The following NIPBL variants were observed in gnomAD, a reference collection of about 807,000 sequenced individuals.
NIPBL encodes the protein nipped-B-like protein.
In NIPBL, 19 loss-of-function variants were observed where a neutral mutation model predicts 321.8. The ratio of observed to expected loss-of-function variants is 0.06; its 90% CI spans 0.04 to 0.09. The LOEUF (loss-of-function observed/expected upper bound fraction) is 0.09. NIPBL is among the 10% of genes least tolerant of loss of function. The pLI is 1.00. For missense variants in NIPBL, 2,210 were observed against 3,327.0 expected (o/e 0.66, Z 8.26); for synonymous variants, 1,106 against 1,114.1 (o/e 0.99, Z 0.14).
At chr5:37,052,048 TAGTCTAA>T (rs1448758047) in intron 41 of NIPBL, among the ~76,000 whole-genome samples, 162 bp downstream of exon 41, 2 of 152,192 alleles carry the variant, frequency 1.3e-5, no homozygotes. Context: ...GTGTTTATTC[TAGTCTAA>T]AGTTAAGGTT....
At chr5:37,034,284 GTA>G (rs1751447778) in intron 32 of NIPBL, among the ~76,000 whole-genome samples, 2 of 152,092 alleles carry the variant, frequency 1.3e-5, no homozygotes, top group African/African-American at 4.8e-5. Context: ...AATTGAGAAA[GTA>G]TTACAGCCAC....
At chr5:37,028,647 CT>C (rs961996618) in intron 32 of NIPBL, among the ~76,000 whole-genome samples, 1 of 152,120 alleles carries the variant, frequency 6.6e-6, no homozygotes, top group African/African-American at 2.4e-5. Context: ...GCCTGTAATA[CT>C]TTTAAAACAA....
At chr5:36,942,294 G>A (rs1739170852) in intron 1 of NIPBL, among the ~76,000 whole-genome samples, 1 of 151,298 alleles carries the variant, frequency 6.6e-6, no homozygotes, top group African/African-American at 2.4e-5. Flanking sequence ...TAGCCAGGTG[G>A]GGTGGTGAAT....
intron 6 of NIPBL, among the ~76,000 whole-genome samples, chr5:36,966,471 A>G (rs957765744): frequency 2.6e-5 from 4 of 152,108 alleles, no homozygotes; most frequent in African/African-American, 9.7e-5. Flanking sequence ...TCTTATCATT[A>G]TCATAAAATG....
chr5:37,055,677 G>A (rs1017440360), intron 42 of NIPBL, among the ~76,000 whole-genome samples: 4 of 151,964 alleles, frequency 2.6e-5, no homozygotes, highest in Non-Finnish European at 5.9e-5. Flanking sequence ...GGTGAACTTC[G>A]TGGACAAAAA....
chr5:37,005,273 C>T (rs1747296031), intron 16 of NIPBL, among the ~76,000 whole-genome samples: 1 of 152,058 alleles, frequency 6.6e-6, no homozygotes, highest in East Asian at 1.9e-4. Flanking sequence ...CCTCTCTTTA[C>T]TTTTTGCATC....
chr5:36,958,949 G>A (rs1741290917), intron 4 of NIPBL, among the ~76,000 whole-genome samples: 1 of 152,154 alleles, frequency 6.6e-6, no homozygotes, highest in Admixed American at 6.5e-5. Flanking sequence ...ACTCACGCCT[G>A]TAATCCCAGC....
chr5:36,998,800 T>C (rs1580432609), intron 11 of NIPBL, among the ~76,000 whole-genome samples: 1 of 152,198 alleles, frequency 6.6e-6, no homozygotes, highest in African/African-American at 2.4e-5. Flanking sequence ...ACCCTACTTA[T>C]ATTAGTGTAT....
In NIPBL at chr5:36,968,109, AAAC is replaced by A. The variant is rs1446069028; in HGVS notation, c.611-2764_611-2762del. 1.9e-3 allele frequency among the ~76,000 whole-genome samples: 283 copies of A among 149,042 alleles called. 7 individuals carry two copies. The highest frequency in any genetic ancestry group is 6.5e-3 in the African/African-American group (259 of 39,968). ...AGACTCTGTCTCAAAAAAAAAAAAA[AAAC>A]AAAAAACAAAAAACGAATAAGCAGT... On this transcript the variant is annotated intron_variant, in intron 6 of 46. Transcript: ENST00000282516.
intron 30 of NIPBL, 61 bp from the exon 31 acceptor site, chr5:37,026,167 TG>T: frequency 1.1e-6 from 1 of 939,014 alleles, no homozygotes; most frequent in Non-Finnish European, 1.7e-6. Context: ...AATGAGAATT[TG>T]GAATTGTGAA....
chr5:36,934,708 T>C (rs1471948927), intron 1 of NIPBL, among the ~76,000 whole-genome samples: 1 of 152,110 alleles, frequency 6.6e-6, no homozygotes, highest in Non-Finnish European at 1.5e-5. Context: ...GAATTTGTAG[T>C]GCCAAAAAAG....
intron 1 of NIPBL, among the ~76,000 whole-genome samples, chr5:36,946,032 A>T (rs947065933): frequency 1.3e-5 from 2 of 152,096 alleles, no homozygotes; most frequent in African/African-American, 4.8e-5. Flanking sequence ...TAGGTGTTTT[A>T]TAATGTTAAA....
At chr5:36,986,450 A>C in intron 10 of NIPBL, 149 bp downstream of exon 10, 1 of 557,906 alleles carries the variant, frequency 1.8e-6, no homozygotes, top group Non-Finnish European at 2.8e-6. Flanking sequence ...TTTTTTCAGG[A>C]GTATAGATAA....
chr5:36,897,292 G>A (rs947791497), intron 1 of NIPBL, among the ~76,000 whole-genome samples: 2 of 152,160 alleles, frequency 1.3e-5, no homozygotes, highest in Admixed American at 6.5e-5. Flanking sequence ...ATGAGCCACC[G>A]CATCCGGCCT....
rs375526209 is a variant in NIPBL at position 36,962,299 on chromosome 5, C to T, written c.610+25C>T. ...GGTAAGAAAGTTGTTTGTAACTTCA[C>T]TGGGAATGTCTAAGTGCTTTAATTC... On this transcript the variant is annotated intron_variant, in intron 6 of 46. Transcript: ENST00000282516. 1.2e-4 allele frequency: 195 copies of T among 1,613,234 alleles called. No individual in the cohort carries two copies. The Middle Eastern group carries it at 1.5e-3, about 12-fold the overall frequency.
At chr5:37,057,068 T>C (rs1754175768) in intron 42 of NIPBL, 118 bp from the exon 43 acceptor site, 1 of 947,320 alleles carries the variant, frequency 1.1e-6, no homozygotes, top group Non-Finnish European at 1.6e-6. Context: ...GTGTGTCTGC[T>C]TATCTCTGTC....
Position 36,985,694 on chromosome 5 carries a change from T to C in NIPBL, c.2514T>C (p.Ser838=), listed in dbSNP as rs746173840. The C allele has an allele frequency of 6.2e-7, 1 of 1,613,884 alleles. No homozygotes were observed. Among genetic ancestry groups the C allele is most frequent in the Non-Finnish European group, 8.5e-7 (1 of 1,179,954 alleles). ...CAGAGCGACATCGAGGGGATCAGTC[T>C]AGGGTTCGAAGACCAGAAACATTGA... The part of the protein sequence containing the change: ...GESERHRGDQ[S]RVRRPETLRS... Residue 838 remains serine (S), a synonymous_variant, in exon 10 of 47, where the codon TCT becomes TCC. Transcript: ENST00000282516.
In NIPBL at chr5:37,006,432, T is replaced by A. The variant is rs1164971227; in HGVS notation, c.3931T>A (p.Cys1311Ser). The A allele has an allele frequency of 6.2e-7, 1 of 1,612,822 alleles. No individual in the cohort carries two copies. The highest frequency in any genetic ancestry group is 2.2e-5 in the East Asian group (1 of 44,770). ...GAGAGTTACAAAATCAGCGGATGCT[T>A]GTCTTACAACTATCAACATTATGAC... ...MERVTKSADA[C>S]LTTINIMTSP... The change falls in exon 17 of 47, where the codon TGT becomes AGT. Residue 1311 changes from cysteine to serine, a missense_variant. This residue lies in a region of NIPBL where 381 missense variants were observed against 642.3 expected (regional missense o/e 0.59). Transcript: ENST00000282516.
chr5:36,937,579 A>G (rs1362211223), intron 1 of NIPBL, among the ~76,000 whole-genome samples: 1 of 152,098 alleles, frequency 6.6e-6, no homozygotes, highest in Non-Finnish European at 1.5e-5. Flanking sequence ...GAAAAGGAGA[A>G]GTTGCCTAAA....
Sources: allele counts gnomAD v4.1 joint callset (sites outside exome capture counted in the v4.1 genomes callset), GRCh38; gene constraint gnomAD v4.1.1; regional missense constraint gnomAD v4.1.1; transcripts MANE v1.5; gene names NCBI Gene and HGNC (gene_info 2026-07-23, HGNC 2026-07-21).